CCDC192: variants seen among roughly 807,000 people sequenced by gnomAD.
The protein encoded by CCDC192 is coiled-coil domain-containing protein 192.
At chr5:127,793,390 G>A (rs1337456704) in intron 3 of CCDC192, among the ~76,000 whole-genome samples, 1 of 152,096 alleles carries the variant, frequency 6.6e-6, no homozygotes, top group East Asian at 1.9e-4. Context: ...AGAATTCTAA[G>A]GTATTAGAAA....
At chr5:127,712,633 AAC>A (rs1319286677) in intron 2 of CCDC192, among the ~76,000 whole-genome samples, 1 of 152,220 alleles carries the variant, frequency 6.6e-6, no homozygotes, top group Non-Finnish European at 1.5e-5. Context: ...AGCAACACAC[AAC>A]AGACTAAGAC....
rs150627427 is a variant in CCDC192 at position 127,833,539 on chromosome 5, C to G, written c.411+35377C>G. 3.1e-4 allele frequency among the ~76,000 whole-genome samples: 47 copies of G among 152,184 alleles called. No individual in the cohort carries two copies. The East Asian group carries it at 4.8e-3, about 16-fold the overall frequency. On this transcript the variant is annotated intron_variant, in intron 5 of 6. Coordinates refer to ENST00000514853, the MANE Select transcript of CCDC192 (RefSeq NM_001317938.2). ...GCCATCATACATATAGCAATTGCTTCATATTATTTGAATGGTTGTTTAGGT... is the reference window on the plus strand; with the variant it reads ...GCCATCATACATATAGCAATTGCTTGATATTATTTGAATGGTTGTTTAGGT...
intron 2 of CCDC192, among the ~76,000 whole-genome samples, chr5:127,753,541 T>C (rs1224423644): frequency 6.6e-6 from 1 of 151,836 alleles, no homozygotes; most frequent in Non-Finnish European, 1.5e-5. Flanking sequence ...ACTAAAAATA[T>C]AAAAATTATC....
At chr5:127,925,711 G>A (rs56806325) in intron 6 of CCDC192, among the ~76,000 whole-genome samples, 2 of 152,022 alleles carry the variant, frequency 1.3e-5, no homozygotes, top group Non-Finnish European at 1.5e-5. Context: ...GCCCTCCCAC[G>A]TCGACATTAT....
chr5:127,788,820 CA>C (rs1158791748), intron 3 of CCDC192, among the ~76,000 whole-genome samples: 2 of 152,162 alleles, frequency 1.3e-5, no homozygotes, highest in African/African-American at 4.8e-5. Context: ...TGAATATTTA[CA>C]CCTCCTCCAA....
intron 2 of CCDC192, among the ~76,000 whole-genome samples, chr5:127,718,425 T>C (rs1751764374): frequency 6.6e-6 from 1 of 152,186 alleles, no homozygotes; most frequent in African/African-American, 2.4e-5. Flanking sequence ...TTTTCTCCAT[T>C]TGGCTCCTTC....
At chr5:127,913,673 G>A (rs1229935514) in intron 6 of CCDC192, among the ~76,000 whole-genome samples, 2 of 152,188 alleles carry the variant, frequency 1.3e-5, no homozygotes, top group Admixed American at 1.3e-4. Context: ...TTTTCTCCTG[G>A]ACATCTCTGG....
intron 5 of CCDC192, among the ~76,000 whole-genome samples, chr5:127,842,293 C>T (rs997479559): frequency 1.3e-5 from 2 of 152,230 alleles, no homozygotes; most frequent in Admixed American, 1.3e-4. Flanking sequence ...TAGCTCACTG[C>T]TAACTCAACT....
chr5:127,751,481 T>G (rs1417258061), intron 2 of CCDC192, among the ~76,000 whole-genome samples: 2 of 152,164 alleles, frequency 1.3e-5, no homozygotes, highest in African/African-American at 4.8e-5. Context: ...TGCCGAGAGA[T>G]CCGCTATTAG....
intron 6 of CCDC192, among the ~76,000 whole-genome samples, chr5:127,900,795 C>CT (rs968447495): frequency 6.6e-6 from 1 of 152,142 alleles, no homozygotes; most frequent in Non-Finnish European, 1.5e-5. Context: ...GCAAACTCTC[C>CT]TATTGAATTA....
chr5:127,725,961 T>A (rs1047572593), intron 2 of CCDC192, among the ~76,000 whole-genome samples: 3 of 152,106 alleles, frequency 2.0e-5, no homozygotes, highest in African/African-American at 7.2e-5. Flanking sequence ...GGTTCCATTA[T>A]TTTTTGTTTT....
intron 6 of CCDC192, among the ~76,000 whole-genome samples, chr5:127,926,738 C>T (rs60335779): frequency 0.018 from 2,734 of 152,092 alleles, 66 homozygotes; most frequent in Middle Eastern, 0.058. Context: ...AGCTCAGGTC[C>T]GACCTAGAGT....
At chr5:127,925,921 A>T (rs1314778135) in intron 6 of CCDC192, among the ~76,000 whole-genome samples, 1 of 152,210 alleles carries the variant, frequency 6.6e-6, no homozygotes, top group Non-Finnish European at 1.5e-5. Context: ...GCCAAATTAA[A>T]TTTAAAGGCA....
chr5:127,864,771 C>T (rs988939465), intron 5 of CCDC192, among the ~76,000 whole-genome samples: 5 of 152,176 alleles, frequency 3.3e-5, no homozygotes, highest in African/African-American at 4.8e-5. Context: ...TCTTGGCAAC[C>T]TAACCTTGCA....
chr5:127,860,635 G>C (rs1379214569), intron 5 of CCDC192, among the ~76,000 whole-genome samples: 2 of 151,972 alleles, frequency 1.3e-5, no homozygotes, highest in East Asian at 3.9e-4. Flanking sequence ...CAAAGTAATA[G>C]AGAAGTGACT....
chr5:127,842,274 G>A (rs1164684126), intron 5 of CCDC192, among the ~76,000 whole-genome samples: 1 of 152,218 alleles, frequency 6.6e-6, no homozygotes, highest in Admixed American at 6.5e-5. Flanking sequence ...GAGTACAGCA[G>A]TACTATCATA....
chr5:127,910,324 C>G (rs565253403), intron 6 of CCDC192, among the ~76,000 whole-genome samples: 24 of 152,284 alleles, frequency 1.6e-4, no homozygotes, highest in Admixed American at 1.2e-3. Context: ...TGCAAAAGCT[C>G]AACACACAAG....
At chr5:127,705,977 T>A (rs1392481894) in intron 1 of CCDC192, among the ~76,000 whole-genome samples, 1 of 152,134 alleles carries the variant, frequency 6.6e-6, no homozygotes, top group African/African-American at 2.4e-5. Flanking sequence ...CAAAATACTG[T>A]TTTTTTGCTG....
At chr5:127,889,753 G>A (rs911465998) in intron 6 of CCDC192, among the ~76,000 whole-genome samples, 4 of 152,126 alleles carry the variant, frequency 2.6e-5, no homozygotes, top group Non-Finnish European at 4.4e-5. Context: ...TGGCACGCTG[G>A]GCCAGCACCT....
Sources: gnomAD v4.1 joint callset for allele counts (sites outside exome capture counted in the v4.1 genomes callset) on GRCh38, gnomAD v4.1.1 for gene constraint, MANE v1.5 for transcripts, NCBI Gene and HGNC (gene_info 2026-07-23, HGNC 2026-07-21) for gene names.